DOCK10: variants seen among roughly 807,000 people sequenced by gnomAD.
DOCK10 encodes dedicator of cytokinesis protein 10.
Under a neutral mutation model 280.1 loss-of-function variants are expected in DOCK10, and 145 were observed. The ratio of observed to expected loss-of-function variants is 0.52; its 90% CI spans 0.45 to 0.59. The LOEUF is 0.59. Among genes scored for constraint, DOCK10 ranks in the 20% least tolerant of loss-of-function variants. The pLI, the probability that DOCK10 is intolerant of heterozygous loss-of-function variation, is 0.00. For synonymous variants in DOCK10, 915 were observed against 942.2 expected, an observed-to-expected ratio of 0.97 and a Z score of 0.53; for missense variants, 2,368 against 2,651.7, an observed-to-expected ratio of 0.89 and a Z score of 2.35.
intron 31 of DOCK10, among the ~76,000 whole-genome samples, chr2:224,809,989 C>CAAAAAAAAAA (rs376029378): frequency 8.7e-6 from 1 of 115,372 alleles, no homozygotes; most frequent in Non-Finnish European, 1.7e-5. Flanking sequence ...TATTCAGCCT[C>CAAAAAAAAAA]AAAAAAAAAA....
chr2:224,896,752 C>A (rs567032376), intron 3 of DOCK10, among the ~76,000 whole-genome samples: 1 of 152,074 alleles, frequency 6.6e-6, no homozygotes, highest in East Asian at 1.9e-4. Context: ...TAAAAATAAT[C>A]AACTGCCTAA....
At chr2:224,877,447 A>G (rs1010036364) in intron 7 of DOCK10, among the ~76,000 whole-genome samples, 1 of 151,202 alleles carries the variant, frequency 6.6e-6, no homozygotes, top group Non-Finnish European at 1.5e-5. Flanking sequence ...TTCTATTGGA[A>G]TAGGTTCCTA....
chr2:224,961,398 T>TTCTTTCTTTCTTTC (rs1298894087), intron 1 of DOCK10, among the ~76,000 whole-genome samples: 1 of 111,766 alleles, frequency 8.9e-6, no homozygotes, highest in Non-Finnish European at 1.9e-5. Context: ...TAGCAGCATT[T>TTCTTTCTTTCTTTC]TCTTTCTTTC....
intron 1 of DOCK10, among the ~76,000 whole-genome samples, chr2:224,990,666 T>C (rs1367263342): frequency 6.6e-6 from 1 of 152,206 alleles, no homozygotes; most frequent in African/African-American, 2.4e-5. Context: ...TAGTCTTCCC[T>C]GAGTGATGGG....
At chr2:224,986,078 C>T (rs946855941) in intron 1 of DOCK10, among the ~76,000 whole-genome samples, 2 of 152,190 alleles carry the variant, frequency 1.3e-5, no homozygotes, top group African/African-American at 2.4e-5. Context: ...AGCCCACATT[C>T]TTCTCCTCCC....
intron 3 of DOCK10, 45 bp downstream of exon 3, chr2:224,916,650 A>G: frequency 7.0e-7 from 1 of 1,422,576 alleles, no homozygotes; most frequent in African/African-American, 1.4e-5. Flanking sequence ...TCCCCTGGGA[A>G]AAAGCAAAAG....
chr2:224,906,759 G>A lies in DOCK10; in HGVS notation c.333+9936C>T, dbSNP rs147165291. On this transcript the variant is annotated intron_variant, in intron 3 of 55. Coordinates refer to ENST00000258390, the MANE Select transcript of DOCK10 (RefSeq NM_014689.3). ...CTCCCAAAGTGCTGGGATTACAGGC[G>A]TCAGTCACCGCACCCGGCCTTGTTT... Among the ~76,000 whole-genome samples the A allele has an allele frequency of 6.3e-4, 96 of 152,338 alleles. No individual in the cohort carries two copies. The East Asian group carries it at 0.014, about 22-fold the overall frequency.
At chr2:224,846,254 C>T (rs1184516509) in intron 19 of DOCK10, among the ~76,000 whole-genome samples, 1 of 152,166 alleles carries the variant, frequency 6.6e-6, no homozygotes, top group Non-Finnish European at 1.5e-5. Flanking sequence ...TAAACACACA[C>T]ACAAATGTAA....
chr2:224,893,590 G>T (rs1366589085), intron 4 of DOCK10: 1 of 425,496 alleles, frequency 2.4e-6, no homozygotes. Context: ...GTGTGTAAAG[G>T]CTTACATTTT....
intron 1 of DOCK10, among the ~76,000 whole-genome samples, chr2:224,993,342 T>C (rs13416040): frequency 0.087 from 13,266 of 152,184 alleles, 1,537 homozygotes; most frequent in African/African-American, 0.26. Flanking sequence ...CAGATTCTTA[T>C]AGGATAAGGA....
At chr2:224,972,464 C>A (rs1459769974) in intron 1 of DOCK10, among the ~76,000 whole-genome samples, 1 of 151,996 alleles carries the variant, frequency 6.6e-6, no homozygotes, top group African/African-American at 2.4e-5. Context: ...TGATTGAGTA[C>A]CTATTGGTAG....
At chr2:225,015,167 TG>T (rs1292440945) in intron 1 of DOCK10, among the ~76,000 whole-genome samples, 2 of 152,172 alleles carry the variant, frequency 1.3e-5, no homozygotes, top group Non-Finnish European at 2.9e-5. Context: ...AATAGCAGTC[TG>T]TTTTTTTTTA....
chr2:225,028,896 C>T (rs934773354), intron 1 of DOCK10, among the ~76,000 whole-genome samples: 6 of 152,156 alleles, frequency 3.9e-5, no homozygotes, highest in Admixed American at 2.0e-4. Flanking sequence ...GTAAACCAGG[C>T]GTGTGTGCCC....
At chr2:224,780,251 G>C (rs539665748) in intron 50 of DOCK10, among the ~76,000 whole-genome samples, 8 of 152,266 alleles carry the variant, frequency 5.3e-5, no homozygotes, top group African/African-American at 1.9e-4. Flanking sequence ...GGGGTAGTGA[G>C]GTCTGACTCC....
intron 48 of DOCK10, 31 bp from the exon 49 acceptor site, chr2:224,787,428 ACATGATTAGGGTTGTGGCT>A: frequency 6.2e-7 from 1 of 1,613,136 alleles, no homozygotes; most frequent in Non-Finnish European, 8.5e-7. Context: ...ATAAGATTTT[ACATGATTAGGGTTGTGGCT>A]CATGCCTGAA....
intron 50 of DOCK10, chr2:224,784,700 G>T (rs1691610387): frequency 7.8e-7 from 1 of 1,289,024 alleles, no homozygotes; most frequent in African/African-American, 1.5e-5. Context: ...GGGTGTTAGA[G>T]CATGCAAATG....
intron 50 of DOCK10, among the ~76,000 whole-genome samples, chr2:224,783,630 G>A (rs1691516748): frequency 6.6e-6 from 1 of 151,888 alleles, no homozygotes; most frequent in African/African-American, 2.4e-5. Context: ...AAAAAATCAG[G>A]TGTAAAATCA....
chr2:224,962,406 C>G (rs1223267993), intron 1 of DOCK10, among the ~76,000 whole-genome samples: 3 of 152,134 alleles, frequency 2.0e-5, no homozygotes, highest in Non-Finnish European at 4.4e-5. Flanking sequence ...TAATTTATGA[C>G]TCAGTTAAAG....
At chr2:224,916,572 T>C in intron 3 of DOCK10, 123 bp downstream of exon 3, 1 of 470,680 alleles carries the variant, frequency 2.1e-6, no homozygotes, top group Non-Finnish European at 3.7e-6. Context: ...AGACATCCAC[T>C]AGTTAGAATA....
Sources: allele counts gnomAD v4.1 joint callset (sites outside exome capture counted in the v4.1 genomes callset), GRCh38; gene constraint gnomAD v4.1.1; transcripts MANE v1.5; gene names NCBI Gene and HGNC (gene_info 2026-07-23, HGNC 2026-07-21).